The following COLGALT2 variants were observed in gnomAD, a reference collection of about 807,000 sequenced individuals.
The protein encoded by COLGALT2 is collagen beta(1-O)galactosyltransferase 2.
Under a neutral mutation model 73.4 loss-of-function variants are expected in COLGALT2, and 49 were observed. The ratio of observed to expected loss-of-function variants is 0.67; its 90% CI spans 0.53 to 0.85. The LOEUF is 0.85. Among genes scored for constraint, COLGALT2 ranks in the 40% least tolerant of loss-of-function variants. The pLI is 0.00. For synonymous variants in COLGALT2, 295 were observed against 307.6 expected, an observed-to-expected ratio of 0.96 and a Z score of 0.43; for missense variants, 722 against 790.2, an observed-to-expected ratio of 0.91 and a Z score of 1.03.
chr1:183,943,877 T>C (rs1190439694), intron 10 of COLGALT2, among the ~76,000 whole-genome samples: 3 of 152,144 alleles, frequency 2.0e-5, no homozygotes, highest in Non-Finnish European at 4.4e-5. Context: ...GCCACGTTAA[T>C]TGAGGGTGGG....
intron 1 of COLGALT2, among the ~76,000 whole-genome samples, chr1:184,024,596 C>G (rs1649274964): frequency 6.6e-6 from 1 of 151,120 alleles, no homozygotes. Context: ...GGTGTTCTGC[C>G]TGCCTTGGCC....
intron 11 of COLGALT2, among the ~76,000 whole-genome samples, chr1:183,940,049 A>G (rs1670065586): frequency 6.6e-6 from 1 of 152,174 alleles, no homozygotes; most frequent in African/African-American, 2.4e-5. Flanking sequence ...CCCTTCTTCC[A>G]TGGACATCAT....
At position 184,037,368 on chromosome 1, in the gene COLGALT2, G is replaced by T; in HGVS notation, c.-11C>A. The stretch of plus-strand genomic sequence containing the variant: ...AGGGCGCGCAGCCATGTTCCGGGCC[G>T]AGGCGGGCGGCGGGGAAGTCCTGGC... On this transcript the variant is annotated 5_prime_UTR_variant, in exon 1 of 12. Transcript: ENST00000361927. 1 of 1,406,050 alleles carries T rather than the reference G, an allele frequency of 7.1e-7. No homozygotes were observed. Among genetic ancestry groups the T allele is most frequent in the Non-Finnish European group, 9.3e-7 (1 of 1,078,482 alleles). The allele number at this position is 1,406,050 out of a possible 1,614,324, so 87.1% of individuals were successfully genotyped here. A position where few individuals can be genotyped will look rare whatever the true frequency, so the allele number is the denominator to read the frequency against.
At position 184,019,842 on chromosome 1, in the gene COLGALT2, A is replaced by G. The variant is rs367996093; in HGVS notation, c.263+17253T>C. Among the ~76,000 whole-genome samples the G allele has an allele frequency of 3.3e-4, 51 of 152,300 alleles. No homozygotes were observed. In the Middle Eastern group the frequency reaches 0.01, roughly 30 times the overall value. On this transcript the variant is annotated intron_variant, in intron 1 of 11. Coordinates refer to ENST00000361927, the MANE Select transcript of COLGALT2 (RefSeq NM_015101.4). ...AGCAGGATCCAAAACACTGATCTAT[A>G]TATTTCTGCATATGTTTGCTCCATG...
chr1:184,027,846 A>G (rs1649375934), intron 1 of COLGALT2, among the ~76,000 whole-genome samples: 1 of 152,244 alleles, frequency 6.6e-6, no homozygotes, highest in South Asian at 2.1e-4. Flanking sequence ...GTACTTTTCT[A>G]AAATATTTTC....
At position 184,037,595 on chromosome 1, in the gene COLGALT2, G is replaced by A; in HGVS notation, c.-238C>T. The A allele has an allele frequency of 2.1e-5, 23 of 1,083,960 alleles. No individual in the cohort carries two copies. Among genetic ancestry groups the A allele is most frequent in the Non-Finnish European group, 2.6e-5 (23 of 894,898 alleles). 67.1% of individuals were successfully genotyped at this position (1,083,960 alleles called of 1,614,324 possible). ...GCGCAGCGTACCTGCAGCCGCTGGC[G>A]CTCCCCTGCGCCTCGGGCTCGCAGA... is the stretch of plus-strand genomic sequence containing the variant. On this transcript the variant is annotated 5_prime_UTR_variant, in exon 1 of 12. Transcript: ENST00000361927.
chr1:183,965,955 G>C (rs1670858045), intron 5 of COLGALT2, among the ~76,000 whole-genome samples: 1 of 152,190 alleles, frequency 6.6e-6, no homozygotes, highest in African/African-American at 2.4e-5. Context: ...GGAAGAAAAA[G>C]AGCTAACTCC....
intron 11 of COLGALT2, among the ~76,000 whole-genome samples, chr1:183,940,243 T>C (rs1670070801): frequency 6.6e-6 from 1 of 152,196 alleles, no homozygotes; most frequent in Admixed American, 6.5e-5. Flanking sequence ...ACTGGAAATT[T>C]TGAGGTGCTT....
chr1:184,013,768 C>T (rs1648890569), intron 1 of COLGALT2, among the ~76,000 whole-genome samples: 1 of 151,518 alleles, frequency 6.6e-6, no homozygotes, highest in Non-Finnish European at 1.5e-5. Context: ...AACAGAGGGG[C>T]AGAGCAATCC....
Position 183,963,188 on chromosome 1 carries a change from T to C in COLGALT2, c.952+713A>G, listed in dbSNP as rs116403524. On this transcript the variant is annotated intron_variant, in intron 6 of 11. Transcript: ENST00000361927. Reference sequence around the variant, plus strand: ...CCAGACCCAGAGGCAATAACAATAGTGTTTAAGGACATGAACTTTGGAGAT... The same window carrying C: ...CCAGACCCAGAGGCAATAACAATAGCGTTTAAGGACATGAACTTTGGAGAT... Among the ~76,000 whole-genome samples, 519 of 152,298 alleles carry C rather than the reference T, an allele frequency of 3.4e-3. 1 individual carries two copies. Among genetic ancestry groups the C allele is most frequent in the Admixed American group, 7.0e-3 (107 of 15,304 alleles).
chr1:183,978,324 T>C (rs1671260811), intron 2 of COLGALT2, 86 bp downstream of exon 2: 2 of 708,118 alleles, frequency 2.8e-6, no homozygotes, highest in South Asian at 3.5e-5. Context: ...AAAAGTCACA[T>C]GTACCTCCAA....
At chr1:183,952,648 C>A (rs1264890659) in intron 7 of COLGALT2, among the ~76,000 whole-genome samples, 1 of 152,220 alleles carries the variant, frequency 6.6e-6, no homozygotes, top group African/African-American at 2.4e-5. Context: ...ATTCTCATTT[C>A]TATCCATTTA....
Position 183,936,626 on chromosome 1 carries a change from A to G in COLGALT2, c.*2135T>C. ...CTCCCACCCCATTAAAAAAGTCATTAAAGTCATGCACACATGCACACACTC... is the reference window on the plus strand; with the variant it reads ...CTCCCACCCCATTAAAAAAGTCATTGAAGTCATGCACACATGCACACACTC... On this transcript the variant is annotated 3_prime_UTR_variant, in exon 12 of 12. Transcript: ENST00000361927. The G allele has an allele frequency of 8.3e-7, 1 of 1,205,654 alleles. No homozygotes were observed. The highest frequency in any genetic ancestry group is 1.0e-6 in the Non-Finnish European group (1 of 972,172). The allele number at this position is 1,205,654 out of a possible 1,614,324, so 74.7% of individuals were successfully genotyped here. A position where few individuals can be genotyped will look rare whatever the true frequency, so the allele number is the denominator to read the frequency against.
intron 1 of COLGALT2, among the ~76,000 whole-genome samples, chr1:184,017,949 A>AC (rs1480534930): frequency 4.6e-5 from 7 of 152,198 alleles, no homozygotes; most frequent in Non-Finnish European, 8.8e-5. Flanking sequence ...CATTATCATA[A>AC]TGCTTGGTAA....
chr1:183,953,556 G>C (rs1221373952), intron 7 of COLGALT2, among the ~76,000 whole-genome samples: 1 of 152,220 alleles, frequency 6.6e-6, no homozygotes, highest in Non-Finnish European at 1.5e-5. Flanking sequence ...GGAACCGAGA[G>C]AGAGCTGTAG....
chr1:183,998,285 A>G (rs1320041674), intron 1 of COLGALT2, among the ~76,000 whole-genome samples: 1 of 152,098 alleles, frequency 6.6e-6, no homozygotes, highest in Non-Finnish European at 1.5e-5. Flanking sequence ...TCATATATTT[A>G]TGGTCATTCA....
chr1:183,931,241 A>G (rs907318746), downstream of COLGALT2, among the ~76,000 whole-genome samples: 5 of 152,134 alleles, frequency 3.3e-5, no homozygotes, highest in African/African-American at 1.2e-4. Context: ...AGCCTCACGG[A>G]ACTGGAGAGA....
At chr1:183,960,575 T>C (rs1670672227) in intron 6 of COLGALT2, among the ~76,000 whole-genome samples, 1 of 152,230 alleles carries the variant, frequency 6.6e-6, no homozygotes, top group African/African-American at 2.4e-5. Context: ...TAAAATGTTT[T>C]GAATCCCTAG....
At chr1:183,930,202 G>T (rs983891300) in exon 12 of COLGALT2, 2 of 456,190 alleles carry the variant, frequency 4.4e-6, no homozygotes, top group Non-Finnish European at 8.8e-6. Flanking sequence ...GAGGGGTAAT[G>T]CCTTCTCCTA....
Sources: allele counts gnomAD v4.1 joint callset (sites outside exome capture counted in the v4.1 genomes callset), GRCh38; gene constraint gnomAD v4.1.1; transcripts MANE v1.5; gene names NCBI Gene and HGNC (gene_info 2026-07-23, HGNC 2026-07-21).